Variants in VIT observed in about 807,000 individuals in gnomAD.
VIT encodes the protein vitrin.
In VIT, 99 loss-of-function variants were observed where a neutral mutation model predicts 78.0. That is an observed-to-expected ratio of 1.27 (90% CI 1.08 to 1.50). The LOEUF (loss-of-function observed/expected upper bound fraction) is 1.50. Among genes scored for constraint, VIT ranks in the 40% most tolerant of loss-of-function variants. The pLI is 0.00. For missense variants in VIT, 1,126 were observed against 875.3 expected (o/e 1.29, Z -3.61); for synonymous variants, 374 against 334.3 (o/e 1.12, Z -1.29).
intron 11 of VIT, 138 bp from the exon 12 acceptor site, chr2:36,786,991 T>A: frequency 9.4e-7 from 1 of 1,064,522 alleles, no homozygotes; most frequent in South Asian, 1.6e-5. Flanking sequence ...TAAATAAATA[T>A]ACCCTGCATC....
At position 36,814,197 on chromosome 2, in the gene VIT, G is replaced by A. The variant is rs1345285787; in HGVS notation, c.1918G>A (p.Ala640Thr). 1 of 1,614,192 alleles carries A rather than the reference G, an allele frequency of 6.2e-7. No homozygotes were observed. Among genetic ancestry groups the A allele is most frequent in the Non-Finnish European group, 8.5e-7 (1 of 1,180,032 alleles). ...TGTCCCCACAGGAGTGATCACCTATGCGATAGGCGTTGCCTGGGCTGCCCA... is the reference window on the plus strand; with the variant it reads ...TGTCCCCACAGGAGTGATCACCTATACGATAGGCGTTGCCTGGGCTGCCCA... ...AAHLKGVITY[A>T]IGVAWAAQEE... Residue 640 changes from alanine to threonine, a missense_variant, in exon 16 of 16, where the codon GCG becomes ACG. Physicochemically the swap from Ala to Thr is moderately conservative, Grantham distance 58. Transcript: ENST00000379242.
At chr2:36,711,897 A>G (rs1665824197) in intron 1 of VIT, among the ~76,000 whole-genome samples, 1 of 152,230 alleles carries the variant, frequency 6.6e-6, no homozygotes, top group South Asian at 2.1e-4. Flanking sequence ...GCCTCACCAG[A>G]ACTACATATT....
intron 9 of VIT, among the ~76,000 whole-genome samples, chr2:36,777,764 C>A (rs1430079754): frequency 2.0e-5 from 3 of 152,180 alleles, no homozygotes; most frequent in African/African-American, 7.2e-5. Flanking sequence ...CTGCAATCTT[C>A]CTGAGTATTC....
intron 3 of VIT, among the ~76,000 whole-genome samples, chr2:36,731,909 C>T (rs1465317602): frequency 6.6e-6 from 1 of 152,218 alleles, no homozygotes; most frequent in Non-Finnish European, 1.5e-5. Context: ...AGATTTGCTT[C>T]ACACAGCCTC....
chr2:36,789,333 C>T (rs1334605631), intron 12 of VIT, among the ~76,000 whole-genome samples: 2 of 152,190 alleles, frequency 1.3e-5, no homozygotes, highest in Admixed American at 1.3e-4. Context: ...GCCCTGGCGT[C>T]CTGTAATTCA....
intron 8 of VIT, chr2:36,774,594 T>C (rs546240081): frequency 2.0e-6 from 2 of 985,426 alleles, no homozygotes; most frequent in East Asian, 1.1e-4. Context: ...AGGTTCTGTT[T>C]TGCTTGCTAC....
intron 12 of VIT, among the ~76,000 whole-genome samples, chr2:36,788,823 A>G (rs1199042216): frequency 6.6e-6 from 1 of 152,208 alleles, no homozygotes; most frequent in Non-Finnish European, 1.5e-5. Flanking sequence ...GCTTTATAGT[A>G]TAATATGAAA....
chr2:36,766,239 C>G (rs1049288201), intron 6 of VIT, among the ~76,000 whole-genome samples: 1 of 152,122 alleles, frequency 6.6e-6, no homozygotes, highest in Admixed American at 6.5e-5. Context: ...ATTTAGAAGT[C>G]GAATCTAGGC....
At position 36,808,650 on chromosome 2, in the gene VIT, C is replaced by T. The variant is rs182729056; in HGVS notation, c.1568C>T (p.Thr523Met). 37 of 1,614,208 alleles carry T rather than the reference C, an allele frequency of 2.3e-5. No individual in the cohort carries two copies. The highest frequency in any genetic ancestry group is 5.0e-5 in the Admixed American group (3 of 60,028). ...ATCGACGGCTCCAGCAGTGTGGGGA[C>T]GGGCAACTTCCGCACCGTCCTCCAG... ...FVIDGSSSVG[T>M]GNFRTVLQFV... Residue 523 changes from threonine (T) to methionine (M), a missense_variant, in exon 15 of 16, where the codon ACG (threonine) becomes ATG (methionine). Thr to Met is a moderately conservative substitution (Grantham distance 81, BLOSUM62 -1). Coordinates refer to ENST00000379242, the MANE Select transcript of VIT (RefSeq NM_053276.4).
At chr2:36,772,016 G>A (rs1444898549) in intron 7 of VIT, among the ~76,000 whole-genome samples, 2 of 152,174 alleles carry the variant, frequency 1.3e-5, no homozygotes, top group Non-Finnish European at 2.9e-5. Context: ...ACCAGTAACT[G>A]CTGGCTAGAG....
Position 36,805,520 on chromosome 2 carries a change from G to T in VIT, c.1245G>T (p.Val415=), listed in dbSNP as rs780315591. The T allele has an allele frequency of 1.7e-5, 27 of 1,614,038 alleles. No individual in the cohort carries two copies. The highest frequency in any genetic ancestry group is 2.1e-5 in the Non-Finnish European group (25 of 1,180,038). Residue 415 remains valine, a synonymous_variant, in exon 14 of 16, where the codon GTG becomes GTT. Transcript: ENST00000379242. ...GCGGGGCTCCCAATGTGGTGGTGGT[G>T]ATGGTGGATGGCTGGCCCACGGACA... ...NRSGAPNVVV[V]MVDGWPTDKV...
chr2:36,759,101 G>A (rs755658369), intron 6 of VIT, 55 bp downstream of exon 6: 24 of 1,614,074 alleles, frequency 1.5e-5, no homozygotes, highest in East Asian at 1.1e-4. Context: ...AACACGCGAC[G>A]TGTTTTGGGA....
At chr2:36,759,223 T>G in intron 6 of VIT, 177 bp downstream of exon 6, 5 of 1,535,390 alleles carry the variant, frequency 3.3e-6, no homozygotes, top group Non-Finnish European at 4.4e-6. Context: ...TGGCTGGGGC[T>G]GAAGAATGAA....
rs189040653 is a variant in VIT, at chr2:36,735,595, G to A, written c.118+6104G>A. On this transcript the variant is annotated intron_variant, in intron 3 of 15. Transcript: ENST00000379242. ...CCCACTGTTTCCTGGATGATGGGATGTTGGCAGAGGTGGGGAAGCCCTGTA... is the reference window on the plus strand; with the variant it reads ...CCCACTGTTTCCTGGATGATGGGATATTGGCAGAGGTGGGGAAGCCCTGTA... Among the ~76,000 whole-genome samples, 28 of 152,346 alleles carry A rather than the reference G, an allele frequency of 1.8e-4. No homozygotes were observed. In the East Asian group the frequency reaches 5.2e-3, roughly 28 times the overall value.
chr2:36,788,998 C>A (rs1665296681), intron 12 of VIT, among the ~76,000 whole-genome samples: 1 of 152,158 alleles, frequency 6.6e-6, no homozygotes, highest in Admixed American at 6.5e-5. Context: ...CATTCACAAG[C>A]AAGAGTTTAC....
intron 6 of VIT, chr2:36,759,374 G>T: frequency 7.2e-7 from 1 of 1,388,062 alleles, no homozygotes; most frequent in South Asian, 1.6e-5. Flanking sequence ...ATGTTTCCTG[G>T]CAGCTAAAAG....
intron 1 of VIT, among the ~76,000 whole-genome samples, chr2:36,700,401 T>C (rs1664976804): frequency 6.6e-6 from 1 of 152,104 alleles, no homozygotes; most frequent in African/African-American, 2.4e-5. Flanking sequence ...ATGGTGGCGG[T>C]GGTGGTGGCG....
At chr2:36,703,049 T>C (rs1665165650) in intron 1 of VIT, among the ~76,000 whole-genome samples, 1 of 152,104 alleles carries the variant, frequency 6.6e-6, no homozygotes, top group Non-Finnish European at 1.5e-5. Flanking sequence ...TCCCCTCTCC[T>C]GTAGAGGACT....
intron 4 of VIT, among the ~76,000 whole-genome samples, chr2:36,747,463 G>C (rs1668206174): frequency 6.6e-6 from 1 of 152,190 alleles, no homozygotes; most frequent in Admixed American, 6.5e-5. Context: ...CTTGTTTTAT[G>C]AATCTGGGTC....
Sources: allele counts gnomAD v4.1 joint callset (sites outside exome capture counted in the v4.1 genomes callset), GRCh38; gene constraint gnomAD v4.1.1; transcripts MANE v1.5; gene names NCBI Gene and HGNC (gene_info 2026-07-23, HGNC 2026-07-21).